CELF2: variants seen among roughly 807,000 people sequenced by gnomAD.
The protein encoded by CELF2 is CUGBP Elav-like family member 2.
In CELF2, 8 loss-of-function variants were observed where a neutral mutation model predicts 62.6. The observed-to-expected ratio is 0.13, with a 90% CI of 0.07 to 0.23. The LOEUF (loss-of-function observed/expected upper bound fraction) is 0.23, where lower values mean the gene tolerates loss of function less well. CELF2 is among the 10% of genes least tolerant of loss of function. The probability of loss-of-function intolerance (pLI) is 1.00; values close to 1 mark genes in which losing one functional copy is unlikely to be tolerated. For missense variants in CELF2, 333 were observed against 671.0 expected, an observed-to-expected ratio of 0.50 and a Z score of 5.56; for synonymous variants, 258 against 250.0, an observed-to-expected ratio of 1.03 and a Z score of -0.30.
chr10:11,320,808 C>T, intron 10 of CELF2: 7 of 1,511,050 alleles, frequency 4.6e-6, no homozygotes, highest in Non-Finnish European at 6.2e-6. Context: ...ACAGATGTTA[C>T]AGGCCTCTGC....
chr10:10,463,547 C>G, the CELF2 span, among the ~76,000 whole-genome samples: 1 of 152,160 alleles, frequency 6.6e-6, no homozygotes, highest in Admixed American at 6.5e-5. Context: ...TATTTTACAT[C>G]ACATCTTAAT....
At chr10:10,701,993 C>A in the CELF2 span, among the ~76,000 whole-genome samples, 69,930 of 152,104 alleles carry the variant, frequency 0.46, 16,419 homozygotes, top group Non-Finnish European at 0.52. Flanking sequence ...ATTGAAGGAG[C>A]AGCGGTACCG....
intron 1 of CELF2, among the ~76,000 whole-genome samples, chr10:10,828,591 A>G (rs539410466): frequency 2.0e-5 from 3 of 152,318 alleles, no homozygotes; most frequent in South Asian, 4.1e-4. Context: ...GTTACAAAGC[A>G]GTGTGAGTAT....
At chr10:11,060,502 C>T (rs960507860) in intron 1 of CELF2, among the ~76,000 whole-genome samples, 2 of 152,202 alleles carry the variant, frequency 1.3e-5, no homozygotes, top group African/African-American at 4.8e-5. Flanking sequence ...ACCCTCAATG[C>T]TCCTGTCTTT....
chr10:10,878,414 A>T (rs1202828174), intron 1 of CELF2, among the ~76,000 whole-genome samples: 1 of 152,178 alleles, frequency 6.6e-6, no homozygotes, highest in Non-Finnish European at 1.5e-5. Context: ...TTTGTGTGTG[A>T]ATCAGTTTCC....
chr10:11,185,968 G>A (rs2074754893), intron 2 of CELF2, among the ~76,000 whole-genome samples: 2 of 152,168 alleles, frequency 1.3e-5, no homozygotes, highest in African/African-American at 2.4e-5. Context: ...CAGACTTCAA[G>A]TTAACTATGT....
intron 1 of CELF2, among the ~76,000 whole-genome samples, chr10:10,854,262 C>G (rs1440850425): frequency 3.9e-5 from 6 of 152,102 alleles, no homozygotes; most frequent in Non-Finnish European, 5.9e-5. Flanking sequence ...CTGAACCAAC[C>G]TAAGGAACAA....
the CELF2 span, among the ~76,000 whole-genome samples, chr10:10,476,024 T>G: frequency 6.6e-6 from 1 of 152,064 alleles, no homozygotes. Context: ...CCACAGAGAC[T>G]GCTGGGTTTT....
chr10:10,463,736 G>A, the CELF2 span, among the ~76,000 whole-genome samples: 2 of 152,122 alleles, frequency 1.3e-5, no homozygotes, highest in Non-Finnish European at 2.9e-5. Flanking sequence ...AAGAAACTTA[G>A]GAACTACAAT....
intron 1 of CELF2, among the ~76,000 whole-genome samples, chr10:11,161,589 T>C (rs1220596805): frequency 6.6e-6 from 1 of 152,240 alleles, no homozygotes. Flanking sequence ...CAGCGGGAGC[T>C]GTTGAAGAGT....
chr10:10,975,365 G>A (rs996076131), intron 2 of CELF2, among the ~76,000 whole-genome samples: 2 of 152,128 alleles, frequency 1.3e-5, no homozygotes, highest in African/African-American at 4.8e-5. Context: ...TGATCCTCCT[G>A]CCTCAATCCT....
the CELF2 span, among the ~76,000 whole-genome samples, chr10:10,524,866 G>A: frequency 6.6e-6 from 1 of 152,054 alleles, no homozygotes; most frequent in Non-Finnish European, 1.5e-5. Flanking sequence ...TTTCATGCCT[G>A]GAAGCCAAGA....
chr10:11,012,983 T>C (rs773112605), upstream of CELF2, among the ~76,000 whole-genome samples: 1 of 152,056 alleles, frequency 6.6e-6, no homozygotes, highest in Non-Finnish European at 1.5e-5. This position sits in a 1 kb window ranked among gnomAD's most constrained non-coding sequence, Gnocchi z 5.5. Flanking sequence ...AGTTTTCACA[T>C]CCTATTGACT....
the CELF2 span, among the ~76,000 whole-genome samples, chr10:10,626,424 T>A: frequency 6.6e-6 from 1 of 152,188 alleles, no homozygotes; most frequent in African/African-American, 2.4e-5. Flanking sequence ...GAGTTTCATA[T>A]GCAGTTAACA....
At chr10:10,605,262 G>A in the CELF2 span, among the ~76,000 whole-genome samples, 2 of 152,110 alleles carry the variant, frequency 1.3e-5, no homozygotes, top group Admixed American at 6.6e-5. Context: ...CACACACTGA[G>A]GCTTGTCGGG....
At chr10:11,022,234 G>A (rs187886992) in intron 1 of CELF2, among the ~76,000 whole-genome samples, 18 of 152,228 alleles carry the variant, frequency 1.2e-4, no homozygotes, top group African/African-American at 3.6e-4. Flanking sequence ...AGATTGCTCC[G>A]TTAACAGCAC....
rs1014188391 is a variant in CELF2 at position 11,334,911 on chromosome 10, G to A, written c.*5858G>A. The A allele has an allele frequency of 6.6e-6, 1 of 152,198 alleles. No individual in the cohort carries two copies. The highest frequency in any genetic ancestry group is 2.4e-5 in the African/African-American group (1 of 41,446). The allele number at this position is 152,198 out of a possible 1,614,324, so 9.4% of individuals were successfully genotyped here. On this transcript the variant is annotated 3_prime_UTR_variant, in exon 13 of 13. Transcript: ENST00000633077. ...TTTGTTGCCCTCAATCAAAAGATATGTATAGAAAAGTCATTTAAATTATTT... is the reference window on the plus strand; with the variant it reads ...TTTGTTGCCCTCAATCAAAAGATATATATAGAAAAGTCATTTAAATTATTT...
intron 5 of CELF2, among the ~76,000 whole-genome samples, chr10:11,258,165 G>C (rs1335220922): frequency 6.6e-6 from 1 of 152,216 alleles, no homozygotes; most frequent in Non-Finnish European, 1.5e-5. Context: ...AAATGGATTT[G>C]GTGGGGGGAG....
chr10:11,042,792 T>C (rs1332097249), intron 1 of CELF2, among the ~76,000 whole-genome samples: 1 of 152,176 alleles, frequency 6.6e-6, no homozygotes, highest in East Asian at 1.9e-4. Flanking sequence ...AATTGTATAA[T>C]ATGTGGCCTC....
Sources: allele counts gnomAD v4.1 joint callset (sites outside exome capture counted in the v4.1 genomes callset), GRCh38; gene constraint gnomAD v4.1.1; non-coding constraint Gnocchi (gnomAD v3.1); transcripts MANE v1.5; gene names NCBI Gene and HGNC (gene_info 2026-07-23, HGNC 2026-07-21).